ASAP2: variants seen among roughly 807,000 people sequenced by gnomAD.
ASAP2 encodes ArfGAP with SH3 domain, ankyrin repeat and PH domain 2.
ASAP2 carries 45 observed loss-of-function variants against 131.4 expected under a neutral mutation model. The ratio of observed to expected loss-of-function variants is 0.34; its 90% CI spans 0.27 to 0.44. The LOEUF is 0.44. ASAP2 is among the 20% of genes least tolerant of loss of function. The pLI is 1.00. For synonymous variants in ASAP2, 510 were observed against 503.0 expected, an observed-to-expected ratio of 1.01 and a Z score of -0.19; for missense variants, 1,011 against 1,297.0, an observed-to-expected ratio of 0.78 and a Z score of 3.39.
chr2:9,323,579 C>T (rs1670290914), intron 6 of ASAP2, among the ~76,000 whole-genome samples: 1 of 152,118 alleles, frequency 6.6e-6, no homozygotes, highest in South Asian at 2.1e-4. Context: ...TCCCTTGTAC[C>T]AATGGAGTCA....
At chr2:9,318,937 G>A (rs1008325754) in intron 4 of ASAP2, among the ~76,000 whole-genome samples, 3 of 152,212 alleles carry the variant, frequency 2.0e-5, no homozygotes, top group African/African-American at 4.8e-5. Context: ...TAGCTGGCAC[G>A]TTGCCCATTT....
At chr2:9,224,172 C>T (rs530219558) in intron 1 of ASAP2, among the ~76,000 whole-genome samples, 8 of 152,032 alleles carry the variant, frequency 5.3e-5, no homozygotes, top group Non-Finnish European at 7.4e-5. Flanking sequence ...CTGAGCAGTG[C>T]GAGGGAAGGG....
intron 2 of ASAP2, among the ~76,000 whole-genome samples, chr2:9,292,674 A>G (rs1056215481): frequency 1.3e-5 from 2 of 152,108 alleles, no homozygotes; most frequent in African/African-American, 4.8e-5. Context: ...CCCCAGTTCA[A>G]TGTCTCCTTG....
chr2:9,374,589 T>C (rs1051731123), intron 16 of ASAP2, among the ~76,000 whole-genome samples, 166 bp from the exon 17 acceptor site: 1 of 152,180 alleles, frequency 6.6e-6, no homozygotes, highest in Non-Finnish European at 1.5e-5. Context: ...TGAAGACCAG[T>C]GCAGCCGTAG....
chr2:9,253,708 C>A (rs1346241857), intron 1 of ASAP2, among the ~76,000 whole-genome samples: 2 of 152,002 alleles, frequency 1.3e-5, no homozygotes, highest in Non-Finnish European at 2.9e-5. Flanking sequence ...TGACCTAGTG[C>A]CCTGGAGATT....
At chr2:9,313,636 G>T (rs1305757646) in intron 3 of ASAP2, among the ~76,000 whole-genome samples, 1 of 152,184 alleles carries the variant, frequency 6.6e-6, no homozygotes, top group Non-Finnish European at 1.5e-5. Context: ...GTTCTAGACC[G>T]CACAGCATTG....
intron 2 of ASAP2, among the ~76,000 whole-genome samples, chr2:9,286,447 A>AAAAAAAAAAAATATATATATAT (rs58605449): frequency 6.7e-6 from 1 of 148,420 alleles, no homozygotes; most frequent in African/African-American, 2.5e-5. Context: ...GAAAAAAAAA[A>AAAAAAAAAAAATATATATATAT]ATATATATAT....
At chr2:9,273,488 A>C (rs1271993620) in intron 1 of ASAP2, among the ~76,000 whole-genome samples, 3 of 152,234 alleles carry the variant, frequency 2.0e-5, no homozygotes, top group African/African-American at 7.2e-5. Flanking sequence ...TTATCAAGAC[A>C]GGGGAACTGC....
intron 7 of ASAP2, among the ~76,000 whole-genome samples, chr2:9,330,174 C>T (rs577616758): frequency 1.1e-4 from 16 of 152,188 alleles, no homozygotes; most frequent in African/African-American, 3.4e-4. Flanking sequence ...TGAGGTCAGG[C>T]GGCAAAGGAG....
rs73913001 is a variant in ASAP2, at chr2:9,257,131, T to C, written c.127-22186T>C. Among the ~76,000 whole-genome samples, 837 of 152,380 alleles carry C rather than the reference T, an allele frequency of 5.5e-3. 10 individuals carry two copies. Among genetic ancestry groups the C allele is most frequent in the African/African-American group, 0.019 (800 of 41,590 alleles). ...AGAGGATGGTTTCATTCATTCCATG[T>C]TCGTGGAGTGTTTACACGTGTCGGG... On this transcript the variant is annotated intron_variant, in intron 1 of 27. Coordinates refer to ENST00000281419, the MANE Select transcript of ASAP2 (RefSeq NM_003887.3).
Position 9,235,809 on chromosome 2 carries a change from C to T in ASAP2, c.126+28579C>T, listed in dbSNP as rs117781511. ...ATGTCTGAACCCTGAGGGTAGAACT[C>T]GGAGAACTTGGTTGGTGGATGCAGC... On this transcript the variant is annotated intron_variant, in intron 1 of 27. Transcript: ENST00000281419. Among the ~76,000 whole-genome samples, 21 of 152,242 alleles carry T rather than the reference C, an allele frequency of 1.4e-4. No homozygotes were observed. In the East Asian group the frequency reaches 2.9e-3, roughly 21 times the overall value.
At chr2:9,325,320 T>C (rs1281095529) in intron 6 of ASAP2, among the ~76,000 whole-genome samples, 1 of 152,210 alleles carries the variant, frequency 6.6e-6, no homozygotes, top group Non-Finnish European at 1.5e-5. Context: ...AACTGCTGTG[T>C]GTTATACAAG....
At chr2:9,263,459 C>G (rs983050839) in intron 1 of ASAP2, among the ~76,000 whole-genome samples, 28 of 152,232 alleles carry the variant, frequency 1.8e-4, no homozygotes, top group African/African-American at 6.5e-4. Flanking sequence ...TCTCACTCCC[C>G]CAGAGCTCCC....
intron 1 of ASAP2, among the ~76,000 whole-genome samples, chr2:9,276,896 G>T (rs112662087): frequency 6.6e-6 from 1 of 152,312 alleles, no homozygotes; most frequent in East Asian, 1.9e-4. Flanking sequence ...GCCCATGGAA[G>T]GTGCTTAGTA....
At chr2:9,361,625 T>C (rs1322597675) in intron 15 of ASAP2, among the ~76,000 whole-genome samples, 1 of 152,058 alleles carries the variant, frequency 6.6e-6, no homozygotes, top group African/African-American at 2.4e-5. Context: ...TGGAGTCCAG[T>C]AGCACAATCT....
In ASAP2 at chr2:9,294,598, T is replaced by C. The variant is rs1668039674; in HGVS notation, c.200-2702T>C. 2.6e-5 allele frequency among the ~76,000 whole-genome samples: 4 copies of C among 152,220 alleles called. No homozygotes were observed. The South Asian group carries it at 6.2e-4, about 24-fold the overall frequency. On this transcript the variant is annotated intron_variant, in intron 2 of 27. Transcript: ENST00000281419. ...AAATAGGGATAATAATAGCCAACTC[T>C]TAGTGCTCAGGTTAAACTGAACAAA... is the stretch of plus-strand genomic sequence containing the variant.
chr2:9,372,361 G>C (rs957700660), intron 16 of ASAP2, among the ~76,000 whole-genome samples: 3 of 152,162 alleles, frequency 2.0e-5, no homozygotes, highest in African/African-American at 4.8e-5. Flanking sequence ...CCCACCAGCT[G>C]CCTGAGGAAA....
intron 2 of ASAP2, among the ~76,000 whole-genome samples, chr2:9,284,548 A>T (rs1183607718): frequency 6.6e-6 from 1 of 152,224 alleles, no homozygotes; most frequent in Admixed American, 6.5e-5. Context: ...TCTGAGCCTC[A>T]ATTTCCTCAT....
chr2:9,270,785 A>ATTTTTTTTTTTTTTTTTTTTTTTTTTTTT (rs35913703), intron 1 of ASAP2, among the ~76,000 whole-genome samples: 3 of 52,928 alleles, frequency 5.7e-5, no homozygotes, highest in African/African-American at 7.2e-5. Context: ...AATTGTTTTC[A>ATTTTTTTTTTTTTTTTTTTTTTTTTTTTT]TTTTTTTTTT....
Sources: allele counts gnomAD v4.1 joint callset (sites outside exome capture counted in the v4.1 genomes callset), GRCh38; gene constraint gnomAD v4.1.1; transcripts MANE v1.5; gene names NCBI Gene and HGNC (gene_info 2026-07-23, HGNC 2026-07-21).